The following RABGAP1L variants were observed in gnomAD, a reference collection of about 807,000 sequenced individuals.
RABGAP1L encodes rab GTPase-activating protein 1-like.
RABGAP1L carries 63 observed loss-of-function variants against 137.7 expected under a neutral mutation model. That is an observed-to-expected ratio of 0.46 (90% confidence interval 0.37 to 0.56). RABGAP1L has a LOEUF of 0.56. Among genes scored for constraint, RABGAP1L ranks in the 20% least tolerant of loss-of-function variants. The pLI, the probability that RABGAP1L is intolerant of heterozygous loss-of-function variation, is 0.00. For missense variants in RABGAP1L, 1,095 were observed against 1,244.0 expected (o/e 0.88, Z 1.80); for synonymous variants, 431 against 433.7 (o/e 0.99, Z 0.08).
At chr1:174,799,183 T>C (rs1440075603) in intron 18 of RABGAP1L, among the ~76,000 whole-genome samples, 1 of 152,224 alleles carries the variant, frequency 6.6e-6, no homozygotes, top group Non-Finnish European at 1.5e-5. Context: ...TTATTTATCA[T>C]ATTGCTTGTT....
intron 17 of RABGAP1L, among the ~76,000 whole-genome samples, chr1:174,706,140 T>C (rs980332759): frequency 2.6e-5 from 4 of 152,196 alleles, no homozygotes; most frequent in African/African-American, 4.8e-5. Flanking sequence ...AGCTATATTA[T>C]TTTAAAGATT....
At chr1:174,349,024 G>A (rs1214439989) in intron 11 of RABGAP1L, among the ~76,000 whole-genome samples, 14 of 150,112 alleles carry the variant, frequency 9.3e-5, no homozygotes, top group East Asian at 2.1e-4. Flanking sequence ...CTCACCTCCC[G>A]GACAGGGCGG....
At chr1:174,573,683 G>A (rs1190877446) in intron 13 of RABGAP1L, among the ~76,000 whole-genome samples, 2 of 151,602 alleles carry the variant, frequency 1.3e-5, no homozygotes, top group Admixed American at 1.3e-4. Flanking sequence ...GTAGATATGT[G>A]TAGAAATCAT....
chr1:174,170,646 G>A (rs1665286252), intron 1 of RABGAP1L, among the ~76,000 whole-genome samples: 1 of 139,532 alleles, frequency 7.2e-6, no homozygotes, highest in Admixed American at 7.7e-5. Context: ...CTGCACTCCA[G>A]CCTGGACAGA....
chr1:174,633,725 C>T (rs957749441), intron 13 of RABGAP1L, among the ~76,000 whole-genome samples: 12 of 137,294 alleles, frequency 8.7e-5, no homozygotes, highest in South Asian at 2.4e-4. Context: ...TCAGAAATAA[C>T]GCTGCATACC....
At chr1:174,476,754 C>T (rs1256454901) in intron 13 of RABGAP1L, among the ~76,000 whole-genome samples, 1 of 152,198 alleles carries the variant, frequency 6.6e-6, no homozygotes, top group Non-Finnish European at 1.5e-5. Context: ...CTATCTCTGT[C>T]TTCAGCAGCA....
intron 11 of RABGAP1L, among the ~76,000 whole-genome samples, chr1:174,327,994 T>TATATATATATATATATATATACAC (rs1680664161): frequency 1.3e-5 from 1 of 77,418 alleles, no homozygotes; most frequent in East Asian, 3.5e-4. Context: ...CACATATATA[T>TATATATATATATATATATATACAC]ATATATATAT....
chr1:174,799,159 G>A (rs191817907), intron 18 of RABGAP1L, among the ~76,000 whole-genome samples: 75 of 152,242 alleles, frequency 4.9e-4, no homozygotes, highest in Non-Finnish European at 6.3e-4. Flanking sequence ...CTCTTAATAC[G>A]TGTTAGGTTT....
chr1:174,376,167 AAAG>A (rs1156289455), intron 12 of RABGAP1L, among the ~76,000 whole-genome samples: 2 of 151,574 alleles, frequency 1.3e-5, no homozygotes, highest in Non-Finnish European at 2.9e-5. Flanking sequence ...AGAGAAAGAA[AAAG>A]AAAGAAGGAA....
chr1:174,306,853 C>T (rs1399615676), intron 11 of RABGAP1L, among the ~76,000 whole-genome samples: 1 of 152,008 alleles, frequency 6.6e-6, no homozygotes, highest in East Asian at 1.9e-4. Context: ...CTTTTAAGAC[C>T]TTGTATCATG....
chr1:174,383,520 A>T (rs1397828698), intron 12 of RABGAP1L, among the ~76,000 whole-genome samples: 1 of 152,188 alleles, frequency 6.6e-6, no homozygotes. Context: ...CGGTCTGGAA[A>T]GGGCAATATT....
chr1:174,872,577 T>A (rs1261498544), intron 19 of RABGAP1L, among the ~76,000 whole-genome samples: 1 of 149,588 alleles, frequency 6.7e-6, no homozygotes, highest in Non-Finnish European at 1.5e-5. Context: ...TTTTTTTTTT[T>A]AAGAGGCAGC....
chr1:174,732,267 T>A (rs936463658), intron 17 of RABGAP1L, among the ~76,000 whole-genome samples: 1 of 151,926 alleles, frequency 6.6e-6, no homozygotes, highest in African/African-American at 2.4e-5. Flanking sequence ...CCAATACCCC[T>A]TATTTAAAAG....
chr1:174,197,374 G>T (rs1009707949), intron 1 of RABGAP1L, among the ~76,000 whole-genome samples: 1 of 150,540 alleles, frequency 6.6e-6, no homozygotes, highest in African/African-American at 2.5e-5. Flanking sequence ...AGTAGGTTTG[G>T]TTCCAGACTG....
chr1:174,448,320 T>A lies in RABGAP1L; in HGVS notation c.1710+54175T>A. 1 of 1,613,654 alleles carries A rather than the reference T, an allele frequency of 6.2e-7. No homozygotes were observed. The highest frequency in any genetic ancestry group is 1.1e-5 in the South Asian group (1 of 91,064). On this transcript the variant is annotated intron_variant, in intron 13 of 25. Transcript: ENST00000681986. The surrounding 1 kb of genome is among the most constrained non-coding windows in gnomAD (Gnocchi z 4.2). ...ATCTTTGTCTTTCATTGTGCTCCAC[T>A]GTTACATCATTATACTACCAGCTAT... is the stretch of plus-strand genomic sequence containing the variant.
At chr1:174,544,598 C>G (rs529966436) in intron 13 of RABGAP1L, among the ~76,000 whole-genome samples, 20 of 152,220 alleles carry the variant, frequency 1.3e-4, no homozygotes, top group Non-Finnish European at 2.6e-4. Flanking sequence ...GTCTTCTTCT[C>G]TCAACTTGTC....
chr1:174,493,488 A>G (rs1020791635), intron 13 of RABGAP1L, among the ~76,000 whole-genome samples: 3 of 152,000 alleles, frequency 2.0e-5, no homozygotes, highest in Admixed American at 2.0e-4. Flanking sequence ...TCATTTGTTG[A>G]AGTTCATAGC....
intron 1 of RABGAP1L, among the ~76,000 whole-genome samples, chr1:174,214,902 G>A (rs1669169432): frequency 6.6e-6 from 1 of 152,078 alleles, no homozygotes; most frequent in Admixed American, 6.6e-5. Context: ...AAATTATTGG[G>A]AAACTCTCCA....
At chr1:174,192,352 G>A (rs910049678) in intron 1 of RABGAP1L, among the ~76,000 whole-genome samples, 1 of 129,024 alleles carries the variant, frequency 7.8e-6, no homozygotes, top group African/African-American at 3.1e-5. Flanking sequence ...GATGGAGTCT[G>A]TCACTCTGTT....
Sources: allele counts gnomAD v4.1 joint callset (sites outside exome capture counted in the v4.1 genomes callset), GRCh38; gene constraint gnomAD v4.1.1; non-coding constraint Gnocchi (gnomAD v3.1); transcripts MANE v1.5; gene names NCBI Gene and HGNC (gene_info 2026-07-23, HGNC 2026-07-21).